Variants in NKAIN3 observed in about 807,000 individuals in gnomAD.
NKAIN3 encodes the protein sodium/potassium-transporting ATPase subunit beta-1-interacting protein 3.
A neutral mutation model predicts 30.2 loss-of-function variants in NKAIN3; 25 were observed. The ratio of observed to expected loss-of-function variants is 0.83; its 90% confidence interval spans 0.60 to 1.16. The LOEUF is 1.16. Ranked by LOEUF, NKAIN3 falls within the 50% of genes most tolerant of loss-of-function variation. NKAIN3 has a pLI of 0.00. For missense variants in NKAIN3, 225 were observed against 254.1 expected (o/e 0.89, Z 0.78); for synonymous variants, 91 against 89.6 (o/e 1.02, Z -0.09).
intron 1 of NKAIN3, among the ~76,000 whole-genome samples, chr8:62,456,915 A>G (rs998797830): frequency 6.6e-6 from 1 of 152,238 alleles, no homozygotes; most frequent in African/African-American, 2.4e-5. Context: ...AATGTAATTG[A>G]AAAGTGCTCA....
chr8:62,299,135 G>A (rs1341561014), intron 1 of NKAIN3, among the ~76,000 whole-genome samples: 1 of 151,954 alleles, frequency 6.6e-6, no homozygotes, highest in African/African-American at 2.4e-5. Context: ...CCAACTTAAA[G>A]TTAGTACAAT....
chr8:62,345,802 T>A (rs28896917), intron 1 of NKAIN3, among the ~76,000 whole-genome samples: 26,256 of 151,748 alleles, frequency 0.17, 2,541 homozygotes, highest in East Asian at 0.42. Flanking sequence ...CTTCCATTAC[T>A]GTGTTGAAGA....
chr8:62,817,685 G>C (rs1818726274), intron 4 of NKAIN3, among the ~76,000 whole-genome samples: 1 of 152,080 alleles, frequency 6.6e-6, no homozygotes, highest in African/African-American at 2.4e-5. Context: ...ATTTCAGGAA[G>C]CAAAAACAGA....
intron 1 of NKAIN3, among the ~76,000 whole-genome samples, chr8:62,485,421 A>C (rs1279265311): frequency 6.6e-6 from 1 of 152,224 alleles, no homozygotes; most frequent in Non-Finnish European, 1.5e-5. Flanking sequence ...AATCCTGTTA[A>C]AAAAACACCC....
intron 4 of NKAIN3, among the ~76,000 whole-genome samples, chr8:62,876,190 AG>A: frequency 6.6e-6 from 1 of 152,358 alleles, no homozygotes; most frequent in Non-Finnish European, 1.5e-5. Context: ...TCTCAAAAGA[AG>A]ACATTTATGC....
At chr8:62,294,839 C>A (rs191043274) in intron 1 of NKAIN3, among the ~76,000 whole-genome samples, 616 of 152,232 alleles carry the variant, frequency 4.0e-3, no homozygotes, top group African/African-American at 0.014. Flanking sequence ...GTCACTGCAC[C>A]TGGCCTCCTG....
At chr8:62,358,255 T>TC (rs1252513773) in intron 1 of NKAIN3, among the ~76,000 whole-genome samples, 1 of 151,492 alleles carries the variant, frequency 6.6e-6, no homozygotes, top group Non-Finnish European at 1.5e-5. Flanking sequence ...TTTTTTTTTT[T>TC]TTTAGTACTC....
intron 1 of NKAIN3, among the ~76,000 whole-genome samples, chr8:62,552,547 A>G (rs969090627): frequency 1.3e-5 from 2 of 152,202 alleles, no homozygotes; most frequent in Admixed American, 1.3e-4. Context: ...ATGGTACTGC[A>G]TGGAACAAAT....
At chr8:62,442,404 A>G (rs1323615603) in intron 1 of NKAIN3, among the ~76,000 whole-genome samples, 3 of 152,012 alleles carry the variant, frequency 2.0e-5, no homozygotes, top group Non-Finnish European at 4.4e-5. Flanking sequence ...GTAGTTTATT[A>G]TTATAGCATT....
chr8:62,968,060 T>G lies in NKAIN3; in HGVS notation c.*2653T>G, dbSNP rs1352093621. Reference sequence around the variant, plus strand: ...ACTTAAATATGAAGTTATAACTGTTTCAATCTCCAACCTCAGCAATCCATA... The same window carrying G: ...ACTTAAATATGAAGTTATAACTGTTGCAATCTCCAACCTCAGCAATCCATA... On this transcript the variant is annotated 3_prime_UTR_variant, in exon 7 of 7. Coordinates refer to ENST00000623646, the MANE Select transcript of NKAIN3 (RefSeq NM_001304533.3). Among the ~76,000 whole-genome samples, 1 of 152,198 alleles carries G rather than the reference T, an allele frequency of 6.6e-6. No homozygotes were observed. The highest frequency in any genetic ancestry group is 1.5e-5 in the Non-Finnish European group (1 of 68,036).
intron 4 of NKAIN3, among the ~76,000 whole-genome samples, chr8:62,800,238 A>C (rs1818010997): frequency 6.6e-6 from 1 of 152,190 alleles, no homozygotes; most frequent in Admixed American, 6.5e-5. Context: ...ATAAATAAAA[A>C]GTTAAATTGG....
Position 62,794,003 on chromosome 8 carries a change from C to T in NKAIN3, c.471+46874C>T, listed in dbSNP as rs545595304. Reference sequence around the variant, plus strand: ...ATTGTTGACAGTCATTTCTTTTCTACCTACTCACATTGGATGTGCTTGAAC... The same window carrying T: ...ATTGTTGACAGTCATTTCTTTTCTATCTACTCACATTGGATGTGCTTGAAC... On this transcript the variant is annotated intron_variant, in intron 4 of 6. Transcript: ENST00000623646. 2.6e-5 allele frequency among the ~76,000 whole-genome samples: 4 copies of T among 152,302 alleles called. No homozygotes were observed. The South Asian group carries it at 8.3e-4, about 32-fold the overall frequency.
intron 1 of NKAIN3, among the ~76,000 whole-genome samples, chr8:62,298,605 T>TTC (rs1813925367): frequency 6.6e-6 from 1 of 152,124 alleles, no homozygotes; most frequent in African/African-American, 2.4e-5. Context: ...CCCATGTTCT[T>TTC]TCTATCAGGA....
At chr8:62,803,478 C>A (rs1355581726) in intron 4 of NKAIN3, among the ~76,000 whole-genome samples, 2 of 152,112 alleles carry the variant, frequency 1.3e-5, no homozygotes, top group African/African-American at 2.4e-5. Context: ...AACCGCTCAA[C>A]TACATGGAAA....
chr8:62,261,117 T>G (rs2129389567), intron 1 of NKAIN3, among the ~76,000 whole-genome samples: 1 of 152,320 alleles, frequency 6.6e-6, no homozygotes, highest in East Asian at 1.9e-4. Context: ...GCCAGTTTTT[T>G]TCCTTGTACC....
At chr8:62,844,915 G>A (rs1819630467) in intron 4 of NKAIN3, among the ~76,000 whole-genome samples, 1 of 151,902 alleles carries the variant, frequency 6.6e-6, no homozygotes, top group Admixed American at 6.6e-5. Context: ...TACCCAACAA[G>A]GAAATACTGT....
chr8:62,855,143 C>T (rs2130780173), intron 4 of NKAIN3: 1 of 230,228 alleles, frequency 4.3e-6, no homozygotes, highest in Non-Finnish European at 8.7e-6. Flanking sequence ...GGGAGGACTA[C>T]ACCTTCACCG....
At chr8:62,446,361 A>G (rs1805485009) in intron 1 of NKAIN3, among the ~76,000 whole-genome samples, 1 of 152,100 alleles carries the variant, frequency 6.6e-6, no homozygotes, top group Non-Finnish European at 1.5e-5. Flanking sequence ...TTAGTTTTCA[A>G]CAAAAATAGC....
chr8:62,250,602 T>C (rs1483176), intron 1 of NKAIN3, among the ~76,000 whole-genome samples: 107,845 of 152,082 alleles, frequency 0.71, 38,512 homozygotes, highest in African/African-American at 0.79. Context: ...TAGATAGGCA[T>C]GCTGGATTGC....
Sources: gnomAD v4.1 joint callset for allele counts (sites outside exome capture counted in the v4.1 genomes callset) on GRCh38, gnomAD v4.1.1 for gene constraint, MANE v1.5 for transcripts, NCBI Gene and HGNC (gene_info 2026-07-23, HGNC 2026-07-21) for gene names.